PHACTR1: variants seen among roughly 807,000 people sequenced by gnomAD.
PHACTR1 encodes phosphatase and actin regulator 1.
In PHACTR1, 16 loss-of-function variants were observed where a neutral mutation model predicts 69.2. The ratio of observed to expected loss-of-function variants is 0.23; its 90% confidence interval spans 0.16 to 0.35. PHACTR1 has a LOEUF of 0.35. Ranked by LOEUF, PHACTR1 falls within the 10% of genes least tolerant of loss-of-function variation. The probability of loss-of-function intolerance (pLI) is 1.00; values close to 1 mark genes in which losing one functional copy is unlikely to be tolerated. For synonymous variants in PHACTR1, 312 were observed against 284.5 expected (o/e 1.10, Z -0.97); for missense variants, 510 against 734.7 (o/e 0.69, Z 3.54).
intron 5 of PHACTR1, among the ~76,000 whole-genome samples, chr6:13,073,330 A>ATTTTT (rs1203206928): frequency 1.2e-5 from 1 of 85,774 alleles, no homozygotes; most frequent in Non-Finnish European, 2.5e-5. Context: ...TCATTCCATG[A>ATTTTT]ATTTTTTTTT....
At chr6:13,112,476 T>C (rs1269433378) in intron 5 of PHACTR1, among the ~76,000 whole-genome samples, 1 of 152,182 alleles carries the variant, frequency 6.6e-6, no homozygotes, top group Non-Finnish European at 1.5e-5. Context: ...GGTTGAACTA[T>C]TAAATAATTT....
At chr6:13,025,937 G>T (rs972987380) in intron 4 of PHACTR1, among the ~76,000 whole-genome samples, 1 of 152,122 alleles carries the variant, frequency 6.6e-6, no homozygotes, top group Non-Finnish European at 1.5e-5. Flanking sequence ...TATAGTCCCT[G>T]TGCTCTCCTC....
intron 4 of PHACTR1, among the ~76,000 whole-genome samples, chr6:12,811,986 T>G (rs926607757): frequency 2.0e-5 from 3 of 152,070 alleles, no homozygotes; most frequent in African/African-American, 7.2e-5. Context: ...AGAGCTACTT[T>G]TTTTTTTTTA....
chr6:13,076,332 A>G (rs1168396102), intron 5 of PHACTR1, among the ~76,000 whole-genome samples: 1 of 152,152 alleles, frequency 6.6e-6, no homozygotes, highest in Non-Finnish European at 1.5e-5. Flanking sequence ...TTTAGTCCCA[A>G]TTGATAATTA....
intron 4 of PHACTR1, among the ~76,000 whole-genome samples, chr6:12,984,992 T>C (rs962332133): frequency 6.6e-6 from 1 of 152,270 alleles, no homozygotes; most frequent in African/African-American, 2.4e-5. Flanking sequence ...GAACTGCTTC[T>C]ATACTTGGCA....
intron 4 of PHACTR1, among the ~76,000 whole-genome samples, chr6:13,023,639 C>T (rs1345331276): frequency 6.6e-6 from 1 of 152,232 alleles, no homozygotes; most frequent in East Asian, 1.9e-4. Flanking sequence ...ACAATAGCAA[C>T]CTGTAGTGAA....
intron 7 of PHACTR1, among the ~76,000 whole-genome samples, chr6:13,186,695 G>A (rs1150607): frequency 0.83 from 125,757 of 152,228 alleles, 52,435 homozygotes; most frequent in East Asian, 0.93. Flanking sequence ...ATAGGAATAT[G>A]TAACAGTTTA....
At chr6:12,847,125 C>CT (rs999193172) in intron 4 of PHACTR1, among the ~76,000 whole-genome samples, 7 of 152,116 alleles carry the variant, frequency 4.6e-5, no homozygotes, top group Non-Finnish European at 5.9e-5. Context: ...CAGCAACTTG[C>CT]TTTTTTTCTT....
At chr6:12,997,820 G>A (rs1194420330) in intron 4 of PHACTR1, among the ~76,000 whole-genome samples, 1 of 152,112 alleles carries the variant, frequency 6.6e-6, no homozygotes, top group Non-Finnish European at 1.5e-5. Flanking sequence ...GGGCACGGTG[G>A]CGGGCGCCTG....
Position 12,949,595 on chromosome 6 carries a change from A to G in PHACTR1, c.251-103770A>G, listed in dbSNP as rs573720353. On this transcript the variant is annotated intron_variant, in intron 4 of 14. Transcript: ENST00000332995. ...CATGGGAGTTGGAGAGGATATTCCA[A>G]CCAGGAAGGGGGTCTGAATATAGTG... Among the ~76,000 whole-genome samples the G allele has an allele frequency of 4.2e-4, 64 of 152,326 alleles. No individual in the cohort carries two copies. The Middle Eastern group carries it at 0.014, about 32-fold the overall frequency.
chr6:12,961,762 C>T (rs1469591151), intron 4 of PHACTR1, among the ~76,000 whole-genome samples: 2 of 152,156 alleles, frequency 1.3e-5, no homozygotes, highest in Non-Finnish European at 2.9e-5. Flanking sequence ...TTTATTTTCT[C>T]ACAGTTTTGG....
chr6:12,814,725 C>G (rs551071189), intron 4 of PHACTR1, among the ~76,000 whole-genome samples: 1 of 152,136 alleles, frequency 6.6e-6, no homozygotes, highest in Non-Finnish European at 1.5e-5. Flanking sequence ...AAGCTATACT[C>G]GATACAGTTA....
chr6:13,090,811 C>G (rs73368202), intron 5 of PHACTR1, among the ~76,000 whole-genome samples: 10,896 of 152,108 alleles, frequency 0.072, 1,320 homozygotes, highest in African/African-American at 0.25. Flanking sequence ...GCAGCGGTCC[C>G]AAGCCTTTTG....
At chr6:13,121,786 G>C (rs1384093406) in intron 5 of PHACTR1, among the ~76,000 whole-genome samples, 1 of 152,140 alleles carries the variant, frequency 6.6e-6, no homozygotes, top group Non-Finnish European at 1.5e-5. Context: ...GCCCAGGGCT[G>C]CAGCAATCTT....
At chr6:13,178,597 A>G (rs1310568393) in intron 6 of PHACTR1, among the ~76,000 whole-genome samples, 1 of 152,220 alleles carries the variant, frequency 6.6e-6, no homozygotes, top group Non-Finnish European at 1.5e-5. Flanking sequence ...TATGCCAGCT[A>G]CAGTTTGAGA....
At chr6:12,786,675 G>T (rs2127653566) in intron 4 of PHACTR1, among the ~76,000 whole-genome samples, 1 of 152,304 alleles carries the variant, frequency 6.6e-6, no homozygotes, top group African/African-American at 2.4e-5. Flanking sequence ...AATGACAGCT[G>T]GTTCAGGCGT....
chr6:13,091,442 G>A (rs952090409), intron 5 of PHACTR1, among the ~76,000 whole-genome samples: 10 of 152,154 alleles, frequency 6.6e-5, no homozygotes, highest in African/African-American at 2.2e-4. Flanking sequence ...CTTTAGTGAC[G>A]TGAGACAAGA....
intron 4 of PHACTR1, among the ~76,000 whole-genome samples, chr6:13,006,069 T>C (rs1798748614): frequency 6.6e-6 from 1 of 152,288 alleles, no homozygotes. Flanking sequence ...CTCACCACAA[T>C]GTAGATACAA....
At chr6:13,251,321 A>G (rs546673) in intron 10 of PHACTR1, among the ~76,000 whole-genome samples, 23,600 of 152,180 alleles carry the variant, frequency 0.16, 2,442 homozygotes, top group Admixed American at 0.27. Flanking sequence ...GGATGGAGGC[A>G]GGTGTTTATC....
Sources: allele counts gnomAD v4.1 joint callset (sites outside exome capture counted in the v4.1 genomes callset), GRCh38; gene constraint gnomAD v4.1.1; transcripts MANE v1.5; gene names NCBI Gene and HGNC (gene_info 2026-07-23, HGNC 2026-07-21).